SCN10A: variants seen among roughly 807,000 people sequenced by gnomAD.
SCN10A encodes sodium channel protein type 10 subunit alpha.
A neutral mutation model predicts 170.7 loss-of-function variants in SCN10A; 162 were observed. The ratio of observed to expected loss-of-function variants is 0.95; its 90% confidence interval spans 0.84 to 1.08. SCN10A has a LOEUF of 1.08. Among genes scored for constraint, SCN10A ranks in the 50% least tolerant of loss-of-function variants. The pLI is 0.00. For missense variants in SCN10A, 2,527 were observed against 2,436.9 expected (o/e 1.04, Z -0.78); for synonymous variants, 985 against 904.6 (o/e 1.09, Z -1.59).
chr3:38,756,088 G>A, intron 10 of SCN10A, 130 bp from the exon 11 acceptor site: 6 of 969,596 alleles, frequency 6.2e-6, no homozygotes, highest in Non-Finnish European at 9.4e-6. Context: ...GACCAGGGTG[G>A]TGGTGGGATT....
intron 4 of SCN10A, among the ~76,000 whole-genome samples, chr3:38,777,043 T>A (rs1199803082): frequency 6.6e-6 from 1 of 152,064 alleles, no homozygotes; most frequent in East Asian, 1.9e-4. Context: ...AAAGTAATTA[T>A]GAGACTCTCA....
chr3:38,709,603 G>C lies in SCN10A; in HGVS notation c.4156C>G (p.Pro1386Ala). The C allele has an allele frequency of 6.2e-7, 1 of 1,604,308 alleles. No individual in the cohort carries two copies. Among genetic ancestry groups the C allele is most frequent in the East Asian group, 2.3e-5 (1 of 44,302 alleles). The change falls in exon 25 of 28, where the codon CCC becomes GCC. Residue 1386 changes from proline to alanine, a missense_variant. Pro to Ala is a conservative substitution (Grantham distance 27). Transcript: ENST00000449082. Reference sequence around the variant, plus strand: ...ATGTACACGTTGTCCTCCCACTTGGGTTGCATGTTGACCTGTGACCAGACA... The same window carrying C: ...ATGTACACGTTGTCCTCCCACTTGGCTTGCATGTTGACCTGTGACCAGACA... ...AVDSREVNMQ[P>A]KWEDNVYMYL...
In SCN10A at chr3:38,793,768, A is replaced by T. The variant is rs1060501717; in HGVS notation, c.243T>A (p.Asp81Glu). 6.2e-7 allele frequency: 1 copy of T among 1,613,744 alleles called. No individual in the cohort carries two copies. The highest frequency in any genetic ancestry group is 8.5e-7 in the Non-Finnish European group (1 of 1,179,862). ...PAELIGEPLE[D>E]LDPFYSTHRT... ...GGTGTGTGCTGTAGAACGGATCTAG[A>T]TCCTCCAGGGGCTCCCCGATCAGTT... is the stretch of plus-strand genomic sequence containing the variant. The change falls in exon 2 of 28, where the codon GAT becomes GAA. Residue 81 changes from aspartate (D) to glutamate (E), a missense_variant. Coordinates refer to ENST00000449082, the MANE Select transcript of SCN10A (RefSeq NM_006514.4).
At chr3:38,719,287 G>A (rs1466075475) in intron 20 of SCN10A, among the ~76,000 whole-genome samples, 1 of 145,388 alleles carries the variant, frequency 6.9e-6, no homozygotes, top group Non-Finnish European at 1.5e-5. Context: ...AGAAGATGCT[G>A]TTTTTCTTTT....
At chr3:38,720,895 C>T (rs1419510179) in intron 20 of SCN10A, among the ~76,000 whole-genome samples, 1 of 152,190 alleles carries the variant, frequency 6.6e-6, no homozygotes, top group East Asian at 1.9e-4. Context: ...GAAAGCACTG[C>T]CCAGCCCTCT....
intron 8 of SCN10A, among the ~76,000 whole-genome samples, chr3:38,759,194 G>C (rs1050843382): frequency 1.3e-5 from 2 of 152,130 alleles, no homozygotes; most frequent in African/African-American, 4.8e-5. Flanking sequence ...TCAGGCACTG[G>C]GGGTGTTGTG....
rs6781740 is a variant in SCN10A, at chr3:38,712,486, C to T, written c.3805-41G>A. On this transcript the variant is annotated intron_variant, in intron 22 of 27. Coordinates refer to ENST00000449082, the MANE Select transcript of SCN10A (RefSeq NM_006514.4). ...GAAAGACCTGGAACCTCCCAATGCC[C>T]CACCCCCTCTGCTGGATTCTATCTC... is the stretch of plus-strand genomic sequence containing the variant. 0.25 allele frequency: 403,348 copies of T among 1,591,592 alleles called. 52,720 individuals carry two copies. Among genetic ancestry groups the T allele is most frequent in the East Asian group, 0.43 (19,384 of 44,592 alleles).
At chr3:38,801,070 C>G (rs182422056) in intron 1 of SCN10A, among the ~76,000 whole-genome samples, 391 of 152,210 alleles carry the variant, frequency 2.6e-3, no homozygotes, top group Admixed American at 3.9e-3. Flanking sequence ...ATAAGGGTGA[C>G]AGTGAGGGTC....
chr3:38,814,414 AG>A (rs1342265063), intron 1 of SCN10A, among the ~76,000 whole-genome samples: 2 of 152,202 alleles, frequency 1.3e-5, no homozygotes, highest in African/African-American at 4.8e-5. Context: ...TCACAAAAAA[AG>A]CTGAAGGTCT....
At chr3:38,781,651 G>C (rs1455460914) in intron 4 of SCN10A, among the ~76,000 whole-genome samples, 1 of 152,094 alleles carries the variant, frequency 6.6e-6, no homozygotes, top group Non-Finnish European at 1.5e-5. Context: ...GAATCCCAAA[G>C]CATGGATTTT....
intron 1 of SCN10A, 136 bp from the exon 2 acceptor site, chr3:38,794,178 G>T: frequency 1.6e-6 from 1 of 631,186 alleles, no homozygotes; most frequent in South Asian, 1.9e-5. Context: ...CTCACACTTG[G>T]CTCCTCCCAG....
Position 38,729,567 on chromosome 3 carries a change from A to C in SCN10A, c.2281-666T>G, listed in dbSNP as rs114191901. 2.5e-3 allele frequency among the ~76,000 whole-genome samples: 379 copies of C among 152,354 alleles called. 1 individual carries two copies. Among genetic ancestry groups the C allele is most frequent in the African/African-American group, 8.8e-3 (364 of 41,582 alleles). Reference sequence around the variant, plus strand: ...GAGAGGTGTGTGGGCTCTTGCTCTCATGGAACCAATGGTTTAGTTACTGAG... The same window carrying C: ...GAGAGGTGTGTGGGCTCTTGCTCTCCTGGAACCAATGGTTTAGTTACTGAG... On this transcript the variant is annotated intron_variant, in intron 15 of 27. Coordinates refer to ENST00000449082, the MANE Select transcript of SCN10A (RefSeq NM_006514.4).
intron 4 of SCN10A, among the ~76,000 whole-genome samples, chr3:38,771,687 G>T (rs943425725): frequency 1.3e-5 from 2 of 152,198 alleles, no homozygotes. Flanking sequence ...GGGCAGTAGC[G>T]GGTGAAGAGC....
At chr3:38,712,104 C>G (rs1653209549) in intron 23 of SCN10A, 57 bp downstream of exon 23, 1 of 1,563,754 alleles carries the variant, frequency 6.4e-7, no homozygotes, top group Non-Finnish European at 8.7e-7. Context: ...AACCTAGACT[C>G]TCCATTTTAT....
chr3:38,711,160 T>G (rs2063269619), intron 23 of SCN10A, among the ~76,000 whole-genome samples: 1 of 152,176 alleles, frequency 6.6e-6, no homozygotes, highest in Non-Finnish European at 1.5e-5. Context: ...GAGGACTGAG[T>G]GTCTAGGTGT....
At chr3:38,738,760 C>A (rs1421277206) in intron 15 of SCN10A, among the ~76,000 whole-genome samples, 1 of 152,186 alleles carries the variant, frequency 6.6e-6, no homozygotes, top group Non-Finnish European at 1.5e-5. Context: ...AGTGACCCGA[C>A]ACTCCTGGGA....
chr3:38,771,177 C>A, intron 5 of SCN10A, 102 bp downstream of exon 5: 1 of 1,330,656 alleles, frequency 7.5e-7, no homozygotes, highest in Non-Finnish European at 1.0e-6. Flanking sequence ...TGTGAGTCTC[C>A]ACACTCTGTC....
At chr3:38,707,504 C>A in intron 25 of SCN10A, 121 bp from the exon 26 acceptor site, 2 of 955,480 alleles carry the variant, frequency 2.1e-6, no homozygotes, top group South Asian at 1.6e-5. Context: ...ATAGACAAAC[C>A]AAGCCCAGCA....
intron 1 of SCN10A, among the ~76,000 whole-genome samples, chr3:38,809,696 G>A (rs2064427547): frequency 2.6e-5 from 4 of 152,154 alleles, no homozygotes; most frequent in African/African-American, 7.2e-5. Context: ...TGTACAATGA[G>A]AGGATTGGTC....
Sources: gnomAD v4.1 joint callset for allele counts (sites outside exome capture counted in the v4.1 genomes callset) on GRCh38, gnomAD v4.1.1 for gene constraint, MANE v1.5 for transcripts, NCBI Gene and HGNC (gene_info 2026-07-23, HGNC 2026-07-21) for gene names.